AGK: variants seen among roughly 807,000 people sequenced by gnomAD.
The protein encoded by AGK is acylglycerol kinase.
AGK carries 52 observed loss-of-function variants against 66.4 expected under a neutral mutation model. That is an observed-to-expected ratio of 0.78 (90% CI 0.63 to 0.99). The LOEUF is 0.99. Ranked by LOEUF, AGK falls within the 50% of genes least tolerant of loss-of-function variation. The probability of loss-of-function intolerance (pLI) is 0.00; values close to 1 mark genes in which losing one functional copy is unlikely to be tolerated. For missense variants in AGK, 451 were observed against 506.6 expected, an observed-to-expected ratio of 0.89 and a Z score of 1.05; for synonymous variants, 182 against 181.1, an observed-to-expected ratio of 1.00 and a Z score of -0.04.
intron 2 of AGK, among the ~76,000 whole-genome samples, chr7:141,564,697 CCT>C (rs1207487897): frequency 6.6e-6 from 1 of 152,134 alleles, no homozygotes; most frequent in African/African-American, 2.4e-5. Context: ...TGTTTTTCCT[CCT>C]CTGTCTCTGG....
chr7:141,615,576 A>C lies in AGK; in HGVS notation c.518+11A>C, dbSNP rs764022086. On this transcript the variant is annotated intron_variant, in intron 8 of 15. Coordinates refer to ENST00000649286, the MANE Select transcript of AGK (RefSeq NM_018238.4). ...TGGAAACAAAGTCCAGTAGGTTGTCAATGTGGGGAATTAGCATTTGTGGGT... is the reference window on the plus strand; with the variant it reads ...TGGAAACAAAGTCCAGTAGGTTGTCCATGTGGGGAATTAGCATTTGTGGGT... The C allele has an allele frequency of 1.2e-6, 2 of 1,601,814 alleles. No homozygotes were observed. Among genetic ancestry groups the C allele is most frequent in the Non-Finnish European group, 1.7e-6 (2 of 1,168,912 alleles).
intron 3 of AGK, among the ~76,000 whole-genome samples, chr7:141,596,204 T>C (rs527265866): frequency 5.8e-4 from 88 of 152,324 alleles, no homozygotes; most frequent in African/African-American, 2.0e-3. Flanking sequence ...AAGAATATTG[T>C]ACTCTGAAAA....
chr7:141,632,153 C>T (rs941876232), intron 9 of AGK, among the ~76,000 whole-genome samples: 5 of 151,884 alleles, frequency 3.3e-5, no homozygotes, highest in African/African-American at 4.8e-5. Context: ...ATCACTTGAA[C>T]CTGGGAGGCA....
At chr7:141,588,402 G>A (rs560193760) in intron 2 of AGK, among the ~76,000 whole-genome samples, 17 of 152,188 alleles carry the variant, frequency 1.1e-4, no homozygotes, top group African/African-American at 3.6e-4. Flanking sequence ...CAAGGCAGGC[G>A]GATCATGAGG....
intron 2 of AGK, among the ~76,000 whole-genome samples, chr7:141,569,218 G>A (rs746108142): frequency 6.6e-6 from 1 of 152,074 alleles, no homozygotes; most frequent in Admixed American, 6.6e-5. Context: ...AGTGTCATTC[G>A]ATTTTACTGA....
At chr7:141,573,635 T>C (rs370339327) in intron 2 of AGK, among the ~76,000 whole-genome samples, 22 of 152,190 alleles carry the variant, frequency 1.4e-4, no homozygotes, top group African/African-American at 5.1e-4. Flanking sequence ...TGCTAACTTA[T>C]GTGTTTATAG....
At position 141,555,659 on chromosome 7, in the gene AGK, C is replaced by A. The variant is rs1795194019; in HGVS notation, c.101+92C>A. The A allele has an allele frequency of 3.5e-6, 3 of 863,072 alleles. No homozygotes were observed. The highest frequency in any genetic ancestry group is 5.5e-6 in the Non-Finnish European group (3 of 548,006). 53.5% of individuals were successfully genotyped at this position (863,072 alleles called of 1,614,324 possible). ...TAAAATCTTGCTCAGCTGTGCTTAT[C>A]CCTATAAAACATGTGGTGTAAAAGA... On this transcript the variant is annotated intron_variant, in intron 2 of 15. Transcript: ENST00000649286. This position sits in a 1 kb window ranked among gnomAD's most constrained non-coding sequence, Gnocchi z 4.2.
intron 10 of AGK, 111 bp from the exon 11 acceptor site, chr7:141,636,848 AG>A: frequency 1.3e-6 from 1 of 783,410 alleles, no homozygotes. Flanking sequence ...CTACCAGAAT[AG>A]CCACTCATAG....
chr7:141,555,620 A>G lies in AGK; in HGVS notation c.101+53A>G. 2 of 1,348,950 alleles carry G rather than the reference A, an allele frequency of 1.5e-6. No homozygotes were observed. Among genetic ancestry groups the G allele is most frequent in the East Asian group, 2.3e-5 (1 of 43,390 alleles). The allele number at this position is 1,348,950 out of a possible 1,614,324, so 83.6% of individuals were successfully genotyped here. ...TTTGCATCTGCAGCAAAACAGCCCC[A>G]AAGGGCCTCAGGTTAAAATCTTGCT... On this transcript the variant is annotated intron_variant, in intron 2 of 15. Transcript: ENST00000649286. This position sits in a 1 kb window ranked among gnomAD's most constrained non-coding sequence, Gnocchi z 4.2.
chr7:141,575,203 A>G (rs569062993), intron 2 of AGK, among the ~76,000 whole-genome samples: 1 of 152,364 alleles, frequency 6.6e-6, no homozygotes, highest in Non-Finnish European at 1.5e-5. Flanking sequence ...GAATGTCTGT[A>G]GAGAACAGAA....
chr7:141,580,684 A>G (rs1424660042), intron 2 of AGK, among the ~76,000 whole-genome samples: 4 of 152,044 alleles, frequency 2.6e-5, no homozygotes, highest in African/African-American at 9.7e-5. Flanking sequence ...TAAAAGTATT[A>G]AGGCAGCAGC....
intron 2 of AGK, among the ~76,000 whole-genome samples, chr7:141,572,649 T>C (rs1314335138): frequency 6.6e-6 from 1 of 152,136 alleles, no homozygotes; most frequent in African/African-American, 2.4e-5. Flanking sequence ...GGGCATATGA[T>C]TGAAGGAGAG....
chr7:141,590,437 A>G (rs1368446846), intron 2 of AGK, among the ~76,000 whole-genome samples: 2 of 152,190 alleles, frequency 1.3e-5, no homozygotes, highest in South Asian at 2.1e-4. Flanking sequence ...AAAGGAAAGC[A>G]TTGAAAGCAG....
At chr7:141,595,283 A>G (rs982131798) in intron 3 of AGK, among the ~76,000 whole-genome samples, 5 of 152,208 alleles carry the variant, frequency 3.3e-5, no homozygotes, top group African/African-American at 7.2e-5. Context: ...GGTTAGTGAT[A>G]TCATTTCTGC....
At chr7:141,586,933 A>G (rs1381538591) in intron 2 of AGK, among the ~76,000 whole-genome samples, 3 of 151,848 alleles carry the variant, frequency 2.0e-5, no homozygotes, top group Non-Finnish European at 4.4e-5. Flanking sequence ...CATCATATCC[A>G]CTCTCATTCC....
chr7:141,605,517 A>G (rs992419026), intron 5 of AGK, among the ~76,000 whole-genome samples: 1 of 152,140 alleles, frequency 6.6e-6, no homozygotes, highest in Non-Finnish European at 1.5e-5. Flanking sequence ...TGCTAGTTTT[A>G]TATTTAGTGT....
rs1031595976 is a variant in AGK at position 141,609,763 on chromosome 7, C to T, written c.298-1432C>T. On this transcript the variant is annotated intron_variant, in intron 5 of 15. Coordinates refer to ENST00000649286, the MANE Select transcript of AGK (RefSeq NM_018238.4). ...ATCACCTTGCTGATCTTTCTGGTGA[C>T]CAGCTCCCATCTTGAAGCTATTCAG... 5.3e-5 allele frequency among the ~76,000 whole-genome samples: 8 copies of T among 152,298 alleles called. No individual in the cohort carries two copies. The South Asian group carries it at 1.2e-3, about 24-fold the overall frequency.
At chr7:141,633,753 ACAGGG>A (rs963444629) in intron 9 of AGK, 143 bp from the exon 10 acceptor site, 41 of 659,266 alleles carry the variant, frequency 6.2e-5, no homozygotes, top group Non-Finnish European at 1.0e-4. Flanking sequence ...CTAAGCACTC[ACAGGG>A]TTAATGTCTT....
chr7:141,558,757 T>C (rs1255936111), intron 2 of AGK, among the ~76,000 whole-genome samples: 1 of 152,170 alleles, frequency 6.6e-6, no homozygotes, highest in African/African-American at 2.4e-5. Context: ...GTGTACAAGG[T>C]TTTCAGTTTC....
Sources: gnomAD v4.1 joint callset for allele counts (sites outside exome capture counted in the v4.1 genomes callset) on GRCh38, gnomAD v4.1.1 for gene constraint, Gnocchi (gnomAD v3.1) non-coding constraint, MANE v1.5 for transcripts, NCBI Gene and HGNC (gene_info 2026-07-23, HGNC 2026-07-21) for gene names.